The following TRAM1 variants were observed in gnomAD, a reference collection of about 807,000 sequenced individuals.
The protein encoded by TRAM1 is translocation associated membrane protein 1.
In TRAM1, 17 loss-of-function variants were observed where a neutral mutation model predicts 48.7. The ratio of observed to expected loss-of-function variants is 0.35; its 90% confidence interval spans 0.24 to 0.52. The LOEUF is 0.52. Among genes scored for constraint, TRAM1 ranks in the 20% least tolerant of loss-of-function variants. The pLI, the probability that TRAM1 is intolerant of heterozygous loss-of-function variation, is 0.94. For missense variants in TRAM1, 351 were observed against 441.5 expected (o/e 0.79, Z 1.84); for synonymous variants, 182 against 154.0 (o/e 1.18, Z -1.34).
intron 6 of TRAM1, among the ~76,000 whole-genome samples, chr8:70,593,825 A>C (rs2132037571): frequency 6.6e-6 from 1 of 152,124 alleles, no homozygotes; most frequent in East Asian, 1.9e-4. Flanking sequence ...CTCTAGTTTA[A>C]AGTAATAGGG....
chr8:70,601,011 TG>T lies in TRAM1; in HGVS notation c.124-930del, dbSNP rs1324085252. Reference sequence around the variant, plus strand: ...CATTATTGAGTGCTAGAAAGGACTCTGTTTTTTGAGCTAAGTAGTTTAGATT... The same window carrying T: ...CATTATTGAGTGCTAGAAAGGACTCTTTTTTTGAGCTAAGTAGTTTAGATT... On this transcript the variant is annotated intron_variant, in intron 1 of 10. Coordinates refer to ENST00000262213, the MANE Select transcript of TRAM1 (RefSeq NM_014294.6). Among the ~76,000 whole-genome samples the T allele has an allele frequency of 2.6e-5, 4 of 152,314 alleles. No homozygotes were observed. In the East Asian group the frequency reaches 7.7e-4, roughly 29 times the overall value.
At position 70,608,255 on chromosome 8, in the gene TRAM1, CT is replaced by C. The variant is rs1324476834; in HGVS notation, c.-57del. ...TCCGCCCCGGTTCTGCTCTTCCCAG[CT>C]GCTCACCGACTCGCCGCCGCCTCCC... On this transcript the variant is annotated 5_prime_UTR_variant, in exon 1 of 11. Coordinates refer to ENST00000262213, the MANE Select transcript of TRAM1 (RefSeq NM_014294.6). The C allele has an allele frequency of 6.6e-7, 1 of 1,510,782 alleles. No individual in the cohort carries two copies. The highest frequency in any genetic ancestry group is 2.7e-5 in the East Asian group (1 of 37,498). 93.6% of individuals were successfully genotyped at this position (1,510,782 alleles called of 1,614,324 possible).
At position 70,574,435 on chromosome 8, in the gene TRAM1, C is replaced by T. The variant is rs975359214; in HGVS notation, c.*497G>A. ...CCGGTGATTTTACAAATCTTTTTTT[C>T]CAGGTGTAAAGTCTACAAAAATTCC... On this transcript the variant is annotated 3_prime_UTR_variant, in exon 11 of 11. Transcript: ENST00000262213. The T allele has an allele frequency of 1.3e-5, 3 of 225,030 alleles. No homozygotes were observed. Among genetic ancestry groups the T allele is most frequent in the African/African-American group, 7.2e-5 (3 of 41,930 alleles). 13.9% of individuals were successfully genotyped at this position (225,030 alleles called of 1,614,324 possible).
intron 1 of TRAM1, among the ~76,000 whole-genome samples, chr8:70,601,007 ACT>A (rs765175223): frequency 7.9e-5 from 12 of 151,996 alleles, no homozygotes; most frequent in Non-Finnish European, 7.4e-5. Context: ...GCTAGAAAGG[ACT>A]CTGTTTTTTG....
Position 70,581,023 on chromosome 8 carries a change from C to T in TRAM1, c.1051+2141G>A, listed in dbSNP as rs555670473. On this transcript the variant is annotated intron_variant, in intron 10 of 10. Coordinates refer to ENST00000262213, the MANE Select transcript of TRAM1 (RefSeq NM_014294.6). ...TGTTCATACTCTGCAAAGCAACCTA[C>T]AAATTGAAGATAATCCATACCAAAA... Among the ~76,000 whole-genome samples, 17 of 152,314 alleles carry T rather than the reference C, an allele frequency of 1.1e-4. No individual in the cohort carries two copies. In the South Asian group the frequency reaches 3.1e-3, roughly 28 times the overall value.
Position 70,608,373 on chromosome 8 carries a change from G to GAA in TRAM1, c.-176_-175dup, listed in dbSNP as rs111278931. Reference sequence around the variant, plus strand: ...TACGCAGCCGCCGGGCCGCCCGGGGGAAAAAAAAAAACACAACAGCTAGCC... The same window carrying GAA: ...TACGCAGCCGCCGGGCCGCCCGGGGGAAAAAAAAAAAAACACAACAGCTAGCC... On this transcript the variant is annotated 5_prime_UTR_variant, in exon 1 of 11. Coordinates refer to ENST00000262213, the MANE Select transcript of TRAM1 (RefSeq NM_014294.6). The GAA allele has an allele frequency of 0.1, 37,491 of 362,390 alleles. 3 individuals are homozygous for GAA. Among genetic ancestry groups the GAA allele is most frequent in the Middle Eastern group, 0.14 (156 of 1,076 alleles). The allele number at this position is 362,390 out of a possible 1,614,324, so 22.4% of individuals were successfully genotyped here.
chr8:70,594,801 A>G (rs949759468), intron 5 of TRAM1, among the ~76,000 whole-genome samples: 7 of 152,186 alleles, frequency 4.6e-5, no homozygotes, highest in South Asian at 4.1e-4. Context: ...TGGATTAAAC[A>G]GCAGGCAAAG....
At chr8:70,586,270 T>C (rs1402813266) in intron 8 of TRAM1, among the ~76,000 whole-genome samples, 1 of 18,810 alleles carries the variant, frequency 5.3e-5, no homozygotes, top group African/African-American at 1.9e-4. Context: ...CTGGGGACTG[T>C]TGTGGGGTGG....
At chr8:70,598,360 A>G in intron 2 of TRAM1, 105 bp from the exon 3 acceptor site, 2 of 1,150,162 alleles carry the variant, frequency 1.7e-6, no homozygotes, top group Non-Finnish European at 2.3e-6. Context: ...ACCTAATAAA[A>G]AAGTTCTATA....
intron 10 of TRAM1, among the ~76,000 whole-genome samples, chr8:70,576,758 G>C (rs981252059): frequency 6.6e-6 from 1 of 152,148 alleles, no homozygotes; most frequent in African/African-American, 2.4e-5. Flanking sequence ...CACATAGCTA[G>C]CAGGAGCCCC....
At chr8:70,583,843 T>G (rs748400638) in intron 8 of TRAM1, 50 bp from the exon 9 acceptor site, 219 of 1,515,140 alleles carry the variant, frequency 1.4e-4, no homozygotes, top group Non-Finnish European at 1.9e-4. Flanking sequence ...AAAAACAAGA[T>G]TCTATTAGAA....
At chr8:70,576,070 A>T (rs1296690309) in intron 10 of TRAM1, among the ~76,000 whole-genome samples, 8 of 131,532 alleles carry the variant, frequency 6.1e-5, no homozygotes, top group Non-Finnish European at 1.3e-4. Flanking sequence ...GACTCCATCT[A>T]AAAAAAAAAG....
intron 6 of TRAM1, among the ~76,000 whole-genome samples, chr8:70,590,215 T>A (rs1362601476): frequency 2.0e-5 from 3 of 151,402 alleles, no homozygotes; most frequent in East Asian, 1.9e-4. Flanking sequence ...TTTTTTTTTT[T>A]AATTTAAAAG....
chr8:70,608,324 C>G lies in TRAM1; in HGVS notation c.-125G>C, dbSNP rs1328220807. 1 of 1,290,320 alleles carries G rather than the reference C, an allele frequency of 7.8e-7. No individual in the cohort carries two copies. The highest frequency in any genetic ancestry group is 1.6e-5 in the African/African-American group (1 of 64,128). The allele number at this position is 1,290,320 out of a possible 1,614,324, so 79.9% of individuals were successfully genotyped here. ...GCCCCGCTGCAGCCGCTCGCTGGGG[C>G]TTCACTTCCCATCCCACAGCCAGTA... is the stretch of plus-strand genomic sequence containing the variant. On this transcript the variant is annotated 5_prime_UTR_variant, in exon 1 of 11. Transcript: ENST00000262213.
rs140958363 is a variant in TRAM1, at chr8:70,607,365, T to C, written c.123+712A>G. ...GAACCTCGATTTATCCATCAGACCT[T>C]GTTTCTTTAAAGCGTCAGGGCAAAA... On this transcript the variant is annotated intron_variant, in intron 1 of 10. Transcript: ENST00000262213. 2.2e-3 allele frequency: 2,215 copies of C among 985,474 alleles called. 39 individuals are homozygous for C. The African/African-American group carries it at 0.036, about 16-fold the overall frequency. The allele number at this position is 985,474 out of a possible 1,614,324, so 61.0% of individuals were successfully genotyped here.
chr8:70,598,635 T>C (rs1817540712), intron 2 of TRAM1, among the ~76,000 whole-genome samples: 1 of 152,212 alleles, frequency 6.6e-6, no homozygotes, highest in Non-Finnish European at 1.5e-5. Context: ...TTTCTACTTC[T>C]ACTTTCTAAC....
At chr8:70,597,771 T>C in intron 4 of TRAM1, 124 bp downstream of exon 4, 1 of 578,152 alleles carries the variant, frequency 1.7e-6, no homozygotes, top group Non-Finnish European at 2.8e-6. Flanking sequence ...TTAGAATTTT[T>C]GCTGTATAAA....
At position 70,574,962 on chromosome 8, in the gene TRAM1, A is replaced by G. The variant is rs758635814; in HGVS notation, c.1095T>C (p.Ser365=). Residue 365 remains serine (S), a synonymous_variant, in exon 11 of 11, where the codon TCT becomes TCC. Coordinates refer to ENST00000262213, the MANE Select transcript of TRAM1 (RefSeq NM_014294.6). ...AAGATTTCTCTTTTTTATTCCGGGG[A>G]GAGTCTGCTACATTTGAAGTTAATG... is the stretch of plus-strand genomic sequence containing the variant. The part of the protein sequence containing the change: ...NGTLTSNVAD[S]PRNKKEKSS The G allele has an allele frequency of 3.7e-6, 6 of 1,610,724 alleles. No individual in the cohort carries two copies. The South Asian group carries it at 5.5e-5, about 15-fold the overall frequency.
chr8:70,608,349 A>ATCC lies in TRAM1; in HGVS notation c.-151_-150insGGA. ...CTTCACTTCCCATCCCACAGCCAGT[A>ATCC]CGCAGCCGCCGGGCCGCCCGGGGGA... On this transcript the variant is annotated 5_prime_UTR_variant, in exon 1 of 11. Transcript: ENST00000262213. 1.0e-6 allele frequency: 1 copy of ATCC among 971,518 alleles called. No individual in the cohort carries two copies. The highest frequency in any genetic ancestry group is 1.4e-6 in the Non-Finnish European group (1 of 723,498). 60.2% of individuals were successfully genotyped at this position (971,518 alleles called of 1,614,324 possible). A position where few individuals can be genotyped will look rare whatever the true frequency, so the allele number is the denominator to read the frequency against.
Sources: gnomAD v4.1 joint callset for allele counts (sites outside exome capture counted in the v4.1 genomes callset) on GRCh38, gnomAD v4.1.1 for gene constraint, MANE v1.5 for transcripts, NCBI Gene and HGNC (gene_info 2026-07-23, HGNC 2026-07-21) for gene names.